Variants in RAB11FIP3 observed in about 807,000 individuals in gnomAD.
RAB11FIP3 encodes the protein rab11 family-interacting protein 3.
RAB11FIP3 carries 17 observed loss-of-function variants against 77.8 expected under a neutral mutation model. The observed-to-expected ratio is 0.22, with a 90% CI of 0.15 to 0.33. The LOEUF is 0.33. RAB11FIP3 is among the 10% of genes least tolerant of loss of function. The pLI, the probability that RAB11FIP3 is intolerant of heterozygous loss-of-function variation, is 1.00. For synonymous variants in RAB11FIP3, 437 were observed against 448.2 expected, an observed-to-expected ratio of 0.98 and a Z score of 0.31; for missense variants, 1,005 against 1,011.2, an observed-to-expected ratio of 0.99 and a Z score of 0.08.
intron 2 of RAB11FIP3, among the ~76,000 whole-genome samples, chr16:464,045 C>G (rs1227326615): frequency 6.6e-6 from 1 of 152,132 alleles, no homozygotes; most frequent in Non-Finnish European, 1.5e-5. Context: ...TGAGGTGGGG[C>G]GAGGGGCCCA....
Position 461,331 on chromosome 16 carries a change from C to G in RAB11FIP3, c.715-73C>G. On this transcript the variant is annotated intron_variant, in intron 1 of 13. Transcript: ENST00000262305. This position sits in a 1 kb window ranked among gnomAD's most constrained non-coding sequence, Gnocchi z 4.5. ...AGCAGGCCACACACCAGATCTCTCC[C>G]AGTCCGAGGTCCAGGGTTGGGGACC... The G allele has an allele frequency of 8.3e-7, 1 of 1,205,650 alleles. No individual in the cohort carries two copies. The highest frequency in any genetic ancestry group is 1.2e-6 in the Non-Finnish European group (1 of 835,844). The allele number at this position is 1,205,650 out of a possible 1,614,324, so 74.7% of individuals were successfully genotyped here. A position where few individuals can be genotyped will look rare whatever the true frequency, so the allele number is the denominator to read the frequency against.
chr16:459,540 G>A (rs1359917402), intron 1 of RAB11FIP3, among the ~76,000 whole-genome samples: 2 of 150,844 alleles, frequency 1.3e-5, no homozygotes, highest in South Asian at 2.1e-4. Context: ...GGGTTCAAGC[G>A]ATTCTCCAGC....
intron 3 of RAB11FIP3, among the ~76,000 whole-genome samples, chr16:473,927 G>T (rs1352831678): frequency 6.6e-6 from 1 of 152,018 alleles, no homozygotes; most frequent in Non-Finnish European, 1.5e-5. Context: ...GAACGCCACG[G>T]AGCTAGAACC....
intron 6 of RAB11FIP3, chr16:497,220 C>A: frequency 7.9e-7 from 1 of 1,267,762 alleles, no homozygotes. Context: ...GTCTGGGCAG[C>A]TCCCCAAGGT....
At chr16:519,689 CG>C (rs2032580712) in intron 10 of RAB11FIP3, 64 bp from the exon 11 acceptor site, 1 of 1,568,664 alleles carries the variant, frequency 6.4e-7, no homozygotes, top group South Asian at 1.2e-5. Flanking sequence ...GACAGACGGC[CG>C]GGGCAAGCTG....
At chr16:476,582 G>A (rs1256368464) in intron 3 of RAB11FIP3, among the ~76,000 whole-genome samples, 1 of 152,136 alleles carries the variant, frequency 6.6e-6, no homozygotes, top group African/African-American at 2.4e-5. Context: ...AGGGCATCGG[G>A]CATCTGTCAG....
intron 2 of RAB11FIP3, among the ~76,000 whole-genome samples, chr16:464,575 G>C (rs1416875326): frequency 6.6e-6 from 1 of 152,148 alleles, no homozygotes; most frequent in Non-Finnish European, 1.5e-5. Context: ...GAGATTCTAG[G>C]TGTAAATTTT....
intron 5 of RAB11FIP3, chr16:491,164 C>G (rs1358556851): frequency 7.7e-7 from 1 of 1,303,930 alleles, no homozygotes; most frequent in South Asian, 1.2e-5. Context: ...AGCTGCACAG[C>G]ATCCTCACTG....
chr16:434,567 C>G (rs901594948), intron 1 of RAB11FIP3, among the ~76,000 whole-genome samples: 1 of 152,160 alleles, frequency 6.6e-6, no homozygotes, highest in African/African-American at 2.4e-5. Flanking sequence ...GCTGGGACTA[C>G]AGGTACGTGT....
intron 2 of RAB11FIP3, among the ~76,000 whole-genome samples, chr16:462,785 C>T (rs1450256248): frequency 1.5e-4 from 23 of 150,334 alleles, no homozygotes; most frequent in Admixed American, 1.5e-3. Flanking sequence ...GTCCCTTCCC[C>T]AGCACCATCC....
Position 425,835 on chromosome 16 carries a change from C to T in RAB11FIP3, c.-172C>T. On this transcript the variant is annotated 5_prime_UTR_variant, in exon 1 of 14. Transcript: ENST00000262305. ...GCCGCCGGGCCGAGGGCAGCTGAGG[C>T]GCGGTGCGAAGATGGGCGAGGACAG... The T allele has an allele frequency of 3.3e-6, 1 of 301,494 alleles. No homozygotes were observed. The highest frequency in any genetic ancestry group is 5.3e-5 in the East Asian group (1 of 18,708). 18.7% of individuals were successfully genotyped at this position (301,494 alleles called of 1,614,324 possible).
At position 520,643 on chromosome 16, in the gene RAB11FIP3, T is replaced by C. The variant is rs575502469; in HGVS notation, c.2157+44T>C. On this transcript the variant is annotated intron_variant, in intron 13 of 13. Coordinates refer to ENST00000262305, the MANE Select transcript of RAB11FIP3 (RefSeq NM_014700.4). Reference sequence around the variant, plus strand: ...GCACGGTGTGGCCTGGGGTCCACAGTCTGCACTGTCTGTGCGCTGTGGTTT... The same window carrying C: ...GCACGGTGTGGCCTGGGGTCCACAGCCTGCACTGTCTGTGCGCTGTGGTTT... 2.5e-6 allele frequency: 4 copies of C among 1,609,934 alleles called. No homozygotes were observed. In the East Asian group the frequency reaches 6.7e-5, roughly 27 times the overall value.
chr16:435,151 G>A lies in RAB11FIP3; in HGVS notation c.714+8431G>A, dbSNP rs1039229601. 4.6e-5 allele frequency among the ~76,000 whole-genome samples: 7 copies of A among 151,240 alleles called. No homozygotes were observed. In the East Asian group the frequency reaches 1.4e-3, roughly 29 times the overall value. On this transcript the variant is annotated intron_variant, in intron 1 of 13. Coordinates refer to ENST00000262305, the MANE Select transcript of RAB11FIP3 (RefSeq NM_014700.4). ...AGCTCAGAGGTGGAGGTTGCAGTGA[G>A]TCGAGATCTTGCCACTGCACTCCAG...
At chr16:488,396 A>G (rs1352251589) in intron 4 of RAB11FIP3, among the ~76,000 whole-genome samples, 1 of 149,064 alleles carries the variant, frequency 6.7e-6, no homozygotes, top group African/African-American at 2.4e-5. Context: ...AAAGGTAAAG[A>G]AACAGATTTA....
At chr16:453,598 T>TG (rs148124100) in intron 1 of RAB11FIP3, 1 of 69,944 alleles carries the variant, frequency 1.4e-5, no homozygotes, top group Non-Finnish European at 5.3e-5. Flanking sequence ...TTTTTTTTTT[T>TG]TTTTTTTTTG....
intron 5 of RAB11FIP3, chr16:491,102 C>T: frequency 2.3e-6 from 3 of 1,280,794 alleles, no homozygotes; most frequent in Non-Finnish European, 3.1e-6. Flanking sequence ...GGGTCCTCAT[C>T]CTCTCCTGAA....
At chr16:470,463 C>T (rs2055788576) in intron 2 of RAB11FIP3, among the ~76,000 whole-genome samples, 1 of 152,174 alleles carries the variant, frequency 6.6e-6, no homozygotes, top group Non-Finnish European at 1.5e-5. Flanking sequence ...AAGTGATTGA[C>T]ATTAGAATAG....
At chr16:431,839 C>A (rs1159997904) in intron 1 of RAB11FIP3, among the ~76,000 whole-genome samples, 1 of 151,726 alleles carries the variant, frequency 6.6e-6, no homozygotes, top group African/African-American at 2.4e-5. Flanking sequence ...TCGCTGCAAG[C>A]TCCGCCTCCC....
At chr16:440,237 C>T (rs970145210) in intron 1 of RAB11FIP3, among the ~76,000 whole-genome samples, 1 of 152,128 alleles carries the variant, frequency 6.6e-6, no homozygotes, top group Non-Finnish European at 1.5e-5. Context: ...GGAAATGTTT[C>T]TGGACATTTC....
Sources: allele counts gnomAD v4.1 joint callset (sites outside exome capture counted in the v4.1 genomes callset), GRCh38; gene constraint gnomAD v4.1.1; non-coding constraint Gnocchi (gnomAD v3.1); transcripts MANE v1.5; gene names NCBI Gene and HGNC (gene_info 2026-07-23, HGNC 2026-07-21).